NAA11: variants seen among roughly 807,000 people sequenced by gnomAD.
The protein encoded by NAA11 is N-alpha-acetyltransferase 11.
Under a neutral mutation model 16.1 loss-of-function variants are expected in NAA11, and 15 were observed. The ratio of observed to expected loss-of-function variants is 0.93; its 90% CI spans 0.62 to 1.44. The LOEUF (loss-of-function observed/expected upper bound fraction) is 1.44, where lower values mean the gene tolerates loss of function less well. NAA11 is among the 40% of genes most tolerant of loss of function. The pLI is 0.00. For synonymous variants in NAA11, 122 were observed against 112.4 expected, an observed-to-expected ratio of 1.09 and a Z score of -0.54; for missense variants, 298 against 291.3, an observed-to-expected ratio of 1.02 and a Z score of -0.17.
intron 1 of NAA11, 136 bp downstream of exon 1, chr4:79,325,040 C>T: frequency 2.8e-6 from 2 of 716,372 alleles, no homozygotes; most frequent in South Asian, 2.0e-5. Context: ...CTAACTTCTC[C>T]CTAAGGTCAC....
chr4:79,171,631 G>C, the NAA11 span, among the ~76,000 whole-genome samples: 162 of 152,250 alleles, frequency 1.1e-3, 1 homozygote, highest in South Asian at 7.3e-3. Flanking sequence ...TTATAATGAA[G>C]CCAGGGATTA....
intron 2 of NAA11, among the ~76,000 whole-genome samples, chr4:79,256,495 G>A (rs1722108716): frequency 6.6e-6 from 1 of 151,510 alleles, no homozygotes; most frequent in African/African-American, 2.4e-5. Flanking sequence ...AATGGTGCTG[G>A]GTTCTTTCAT....
the NAA11 span, among the ~76,000 whole-genome samples, chr4:79,170,582 G>A: frequency 3.9e-4 from 59 of 152,266 alleles, 1 homozygote; most frequent in East Asian, 7.1e-3. Flanking sequence ...TTTTGGCTCC[G>A]TTTCAGGGAC....
chr4:79,214,518 G>T, the NAA11 span, among the ~76,000 whole-genome samples: 26 of 152,152 alleles, frequency 1.7e-4, no homozygotes, highest in African/African-American at 6.3e-4. Flanking sequence ...CCAAGTTCAG[G>T]ATCGGGCTCC....
intron 2 of NAA11, among the ~76,000 whole-genome samples, chr4:79,258,083 G>A (rs919023944): frequency 2.6e-5 from 4 of 152,254 alleles, no homozygotes; most frequent in Non-Finnish European, 4.4e-5. Context: ...AGAGCCAGTG[G>A]GAGCCAGGGA....
intron 1 of NAA11, among the ~76,000 whole-genome samples, chr4:79,310,248 C>T (rs996150578): frequency 2.6e-5 from 4 of 152,078 alleles, no homozygotes; most frequent in Non-Finnish European, 5.9e-5. Context: ...CATAAAAACA[C>T]GTATTGGAAT....
At chr4:79,221,168 C>T (rs1721181177), downstream of NAA11, among the ~76,000 whole-genome samples, 1 of 151,834 alleles carries the variant, frequency 6.6e-6, no homozygotes, top group Admixed American at 6.6e-5. Flanking sequence ...TGATGTGGCT[C>T]TCTGTTTGTC....
At position 79,325,380 on chromosome 4, in the gene NAA11, C is replaced by G. The variant is rs546267473; in HGVS notation, c.498G>C (p.Lys166Asn). Reference protein sequence around the residue: ...DELRRQMDLKKGGYVVLGSRE... With the variant: ...DELRRQMDLKNGGYVVLGSRE... ...TGGAGCCCAGGACCACATACCCGCC[C>G]TTCTTCAGGTCCATTTGTCGTCTCA... The change falls in exon 1 of 2, where the codon AAG becomes AAC. Residue 166 changes from lysine (K) to asparagine (N), a missense_variant. Transcript: ENST00000286794. The G allele has an allele frequency of 5.0e-6, 8 of 1,614,094 alleles. No homozygotes were observed. In the African/African-American group the frequency reaches 1.1e-4, roughly 22 times the overall value.
chr4:79,311,892 AGACAT>A (rs2110011209), downstream of NAA11, among the ~76,000 whole-genome samples: 1 of 152,370 alleles, frequency 6.6e-6, no homozygotes, highest in African/African-American at 2.4e-5. Context: ...AGGGCTACAC[AGACAT>A]GAGTAATTTT....
chr4:79,203,918 ACT>A, the NAA11 span, among the ~76,000 whole-genome samples: 2 of 151,738 alleles, frequency 1.3e-5, no homozygotes, highest in Non-Finnish European at 2.9e-5. Flanking sequence ...AAATTAGAAA[ACT>A]CTGTTATCAT....
At chr4:79,309,577 T>G in intron 1 of NAA11, among the ~76,000 whole-genome samples, 1 of 152,140 alleles carries the variant, frequency 6.6e-6, no homozygotes, top group East Asian at 1.9e-4. Context: ...AAGATATTTG[T>G]TTTTTTAGAA....
chr4:79,222,375 G>C (rs1384322812), downstream of NAA11, among the ~76,000 whole-genome samples: 2 of 151,706 alleles, frequency 1.3e-5, no homozygotes, highest in African/African-American at 4.8e-5. Flanking sequence ...ACAAACCTGA[G>C]AAAAACAAGC....
chr4:79,203,345 A>G, the NAA11 span, among the ~76,000 whole-genome samples: 1 of 151,776 alleles, frequency 6.6e-6, no homozygotes, highest in African/African-American at 2.4e-5. Flanking sequence ...CACACACATT[A>G]GGAAAGTATT....
chr4:79,304,782 T>C (rs1723522198), intron 1 of NAA11, among the ~76,000 whole-genome samples: 1 of 152,108 alleles, frequency 6.6e-6, no homozygotes, highest in African/African-American at 2.4e-5. Flanking sequence ...GTGGGGGTGC[T>C]GGTTTCAGGC....
intron 2 of NAA11, among the ~76,000 whole-genome samples, chr4:79,239,033 T>G (rs1721633070): frequency 6.6e-6 from 1 of 152,182 alleles, no homozygotes; most frequent in African/African-American, 2.4e-5. Flanking sequence ...CATAGACTTA[T>G]GTTTAAGTCT....
At chr4:79,317,827 G>A (rs1290650874) in intron 1 of NAA11, 36 bp from the exon 2 acceptor site, 3 of 152,248 alleles carry the variant, frequency 2.0e-5, no homozygotes, top group African/African-American at 7.2e-5. Context: ...ATGAGAAAGG[G>A]AGAGCTATAA....
intron 2 of NAA11, among the ~76,000 whole-genome samples, chr4:79,236,225 C>G (rs1393158854): frequency 6.6e-6 from 1 of 152,072 alleles, no homozygotes; most frequent in Non-Finnish European, 1.5e-5. Context: ...TACTAAGCCT[C>G]CATTTGTTTT....
At chr4:79,161,185 A>G in the NAA11 span, among the ~76,000 whole-genome samples, 4 of 152,132 alleles carry the variant, frequency 2.6e-5, no homozygotes, top group East Asian at 3.8e-4. Flanking sequence ...TGAAAAGACT[A>G]TTCTTTCCCA....
chr4:79,194,101 A>G, the NAA11 span, among the ~76,000 whole-genome samples: 1 of 152,148 alleles, frequency 6.6e-6, no homozygotes, highest in African/African-American at 2.4e-5. Context: ...GAAGTTGCCT[A>G]TCAGCTTAAG....
Sources: allele counts gnomAD v4.1 joint callset (sites outside exome capture counted in the v4.1 genomes callset), GRCh38; gene constraint gnomAD v4.1.1; transcripts MANE v1.5; gene names NCBI Gene and HGNC (gene_info 2026-07-23, HGNC 2026-07-21).